ADGRB3: variants seen among roughly 807,000 people sequenced by gnomAD.
The protein encoded by ADGRB3 is adhesion G protein-coupled receptor B3.
In ADGRB3, 37 loss-of-function variants were observed where a neutral mutation model predicts 193.4. The observed-to-expected ratio is 0.19, with a 90% confidence interval of 0.15 to 0.25. The LOEUF is 0.25. Among genes scored for constraint, ADGRB3 ranks in the 10% least tolerant of loss-of-function variants. ADGRB3 has a pLI of 1.00. For missense variants in ADGRB3, 1,637 were observed against 1,852.9 expected, an observed-to-expected ratio of 0.88 and a Z score of 2.14; for synonymous variants, 690 against 644.2, an observed-to-expected ratio of 1.07 and a Z score of -1.08.
In ADGRB3 at chr6:68,762,501, G is replaced by T. The variant is rs141312558; in HGVS notation, c.757+123069G>T. Among the ~76,000 whole-genome samples the T allele has an allele frequency of 6.3e-3, 958 of 151,182 alleles. 7 individuals are homozygous for T. Among genetic ancestry groups the T allele is most frequent in the African/African-American group, 0.018 (740 of 40,866 alleles). Reference sequence around the variant, plus strand: ...CCAACCATGAATATATATATATAGAGAGAGAGAGAGTGATAGAGGTGACCA... The same window carrying T: ...CCAACCATGAATATATATATATAGATAGAGAGAGAGTGATAGAGGTGACCA... On this transcript the variant is annotated intron_variant, in intron 3 of 31. Coordinates refer to ENST00000370598, the MANE Select transcript of ADGRB3 (RefSeq NM_001704.3).
intron 30 of ADGRB3, among the ~76,000 whole-genome samples, chr6:69,374,609 G>A (rs943872111): frequency 2.0e-5 from 3 of 151,992 alleles, no homozygotes; most frequent in African/African-American, 7.2e-5. Flanking sequence ...CATACCAGGG[G>A]AATAGCCCTT....
At chr6:68,870,235 G>A in intron 3 of ADGRB3, among the ~76,000 whole-genome samples, 1 of 152,190 alleles carries the variant, frequency 6.6e-6, no homozygotes, top group Non-Finnish European at 1.5e-5. Flanking sequence ...TTATAGATGA[G>A]TAATAGGGCA....
chr6:68,994,994 C>T (rs1769343732), intron 11 of ADGRB3, among the ~76,000 whole-genome samples: 1 of 152,062 alleles, frequency 6.6e-6, no homozygotes, highest in African/African-American at 2.4e-5. Flanking sequence ...TATAGAGGTA[C>T]ATATATTGCT....
intron 3 of ADGRB3, among the ~76,000 whole-genome samples, chr6:68,671,209 A>G (rs1768948949): frequency 6.6e-6 from 1 of 151,972 alleles, no homozygotes; most frequent in Non-Finnish European, 1.5e-5. Context: ...AACATGGATA[A>G]TTTGACTTCT....
At chr6:68,870,792 C>T (rs518164) in intron 3 of ADGRB3, among the ~76,000 whole-genome samples, 136,646 of 152,214 alleles carry the variant, frequency 0.9, 61,748 homozygotes, top group African/African-American at 0.98. Flanking sequence ...CGTTGGGTTT[C>T]ATGAGGCTAG....
At chr6:69,325,615 A>G (rs1490852249) in intron 21 of ADGRB3, among the ~76,000 whole-genome samples, 1 of 152,182 alleles carries the variant, frequency 6.6e-6, no homozygotes, top group Non-Finnish European at 1.5e-5. Flanking sequence ...CATCTCAAAG[A>G]TCTATATTAT....
chr6:69,144,876 G>GTTCTTTCTTTCTTGCTTTCTTTCT (rs1774439160), intron 17 of ADGRB3, among the ~76,000 whole-genome samples: 1 of 139,336 alleles, frequency 7.2e-6, no homozygotes, highest in Non-Finnish European at 1.5e-5. Flanking sequence ...TTGTTTGAGT[G>GTTCTTTCTTTCTTGCTTTCTTTCT]TTCTTTCTTT....
At chr6:68,836,945 T>G (rs1197438127) in intron 3 of ADGRB3, among the ~76,000 whole-genome samples, 3 of 152,198 alleles carry the variant, frequency 2.0e-5, no homozygotes, top group Non-Finnish European at 4.4e-5. Context: ...TAAAAATCCA[T>G]ATGCCTTCAA....
At chr6:68,764,713 C>T (rs183952653) in intron 3 of ADGRB3, among the ~76,000 whole-genome samples, 244 of 152,198 alleles carry the variant, frequency 1.6e-3, no homozygotes, top group African/African-American at 5.1e-3. Context: ...TAGTTATCCT[C>T]ATGTCAAAAA....
At chr6:68,974,917 G>T in intron 9 of ADGRB3, 53 bp downstream of exon 9, 1 of 1,448,862 alleles carries the variant, frequency 6.9e-7, no homozygotes, top group Non-Finnish European at 9.7e-7. Flanking sequence ...TCCAAGAACA[G>T]CATGCAGTGT....
chr6:68,793,469 A>G (rs1433658351), intron 3 of ADGRB3, among the ~76,000 whole-genome samples: 1 of 152,052 alleles, frequency 6.6e-6, no homozygotes, highest in African/African-American at 2.4e-5. Flanking sequence ...GTCTTTGTGG[A>G]TGAACTTGTT....
intron 17 of ADGRB3, among the ~76,000 whole-genome samples, chr6:69,085,422 G>A (rs1772518925): frequency 6.6e-6 from 1 of 151,984 alleles, no homozygotes; most frequent in Non-Finnish European, 1.5e-5. Flanking sequence ...GCAACACAGA[G>A]CTGGCTGGTA....
chr6:69,118,740 T>C (rs1773602412), intron 17 of ADGRB3, among the ~76,000 whole-genome samples: 2 of 96,748 alleles, frequency 2.1e-5, no homozygotes. Flanking sequence ...AAGAAGCCAC[T>C]GCTTTACAGA....
At chr6:68,859,716 C>T (rs1765096863) in intron 3 of ADGRB3, among the ~76,000 whole-genome samples, 1 of 152,060 alleles carries the variant, frequency 6.6e-6, no homozygotes, top group Non-Finnish European at 1.5e-5. Context: ...CAATTATCTC[C>T]CACCAGGTCC....
chr6:68,737,865 C>A (rs1765902181), intron 3 of ADGRB3, among the ~76,000 whole-genome samples: 1 of 152,082 alleles, frequency 6.6e-6, no homozygotes, highest in Non-Finnish European at 1.5e-5. Context: ...AACAAAGTAG[C>A]CAAGAAATAC....
intron 31 of ADGRB3, among the ~76,000 whole-genome samples, chr6:69,386,098 A>G (rs376048416): frequency 4.6e-5 from 7 of 152,268 alleles, no homozygotes; most frequent in African/African-American, 1.7e-4. Context: ...TAGAAAGCCA[A>G]AATTAATGAA....
chr6:68,946,033 G>C (rs1399587673), intron 6 of ADGRB3, among the ~76,000 whole-genome samples: 2 of 152,018 alleles, frequency 1.3e-5, no homozygotes, highest in Non-Finnish European at 2.9e-5. Context: ...TCTCATAAGT[G>C]AACATATGGG....
intron 15 of ADGRB3, among the ~76,000 whole-genome samples, chr6:69,051,750 A>G (rs914424042): frequency 6.6e-6 from 1 of 152,146 alleles, no homozygotes; most frequent in Non-Finnish European, 1.5e-5. Context: ...AACAAGGGTG[A>G]TTCTTTTTTC....
At chr6:69,192,668 G>A (rs557567086) in intron 17 of ADGRB3, among the ~76,000 whole-genome samples, 61 of 152,140 alleles carry the variant, frequency 4.0e-4, no homozygotes, top group African/African-American at 1.4e-3. Context: ...GACCAAACTG[G>A]GTTATCAGTT....
Sources: allele counts gnomAD v4.1 joint callset (sites outside exome capture counted in the v4.1 genomes callset), GRCh38; gene constraint gnomAD v4.1.1; transcripts MANE v1.5; gene names NCBI Gene and HGNC (gene_info 2026-07-23, HGNC 2026-07-21).